Variants in PAX3 observed in about 807,000 individuals in gnomAD.
PAX3 encodes the protein paired box protein Pax-3.
A neutral mutation model predicts 51.6 loss-of-function variants in PAX3; 14 were observed. The ratio of observed to expected loss-of-function variants is 0.27; its 90% CI spans 0.18 to 0.42. The LOEUF (loss-of-function observed/expected upper bound fraction) is 0.42, where lower values mean the gene tolerates loss of function less well. Ranked by LOEUF, PAX3 falls within the 10% of genes least tolerant of loss-of-function variation. PAX3 has a pLI of 1.00. For missense variants in PAX3, 540 were observed against 642.8 expected, an observed-to-expected ratio of 0.84 and a Z score of 1.73; for synonymous variants, 280 against 253.4, an observed-to-expected ratio of 1.11 and a Z score of -1.00.
At chr2:222,216,251 T>C (rs1691954058) in intron 7 of PAX3, among the ~76,000 whole-genome samples, 1 of 152,206 alleles carries the variant, frequency 6.6e-6, no homozygotes, top group South Asian at 2.1e-4. Flanking sequence ...GAGTTGGCTC[T>C]TAACCCTGCC....
intron 4 of PAX3, among the ~76,000 whole-genome samples, chr2:222,278,335 GC>G: frequency 6.6e-6 from 1 of 152,124 alleles, no homozygotes; most frequent in Admixed American, 6.5e-5. Context: ...CATCCTTTGT[GC>G]CCCAGTCCTC....
At position 222,295,772 on chromosome 2, in the gene PAX3, C is replaced by A. The variant is rs547260187; in HGVS notation, c.322-115G>T. 24 of 1,247,778 alleles carry A rather than the reference C, an allele frequency of 1.9e-5. No homozygotes were observed. The East Asian group carries it at 3.9e-4, about 21-fold the overall frequency. 77.3% of individuals were successfully genotyped at this position (1,247,778 alleles called of 1,614,324 possible). A position where few individuals can be genotyped will look rare whatever the true frequency, so the allele number is the denominator to read the frequency against. On this transcript the variant is annotated intron_variant, in intron 2 of 8. Coordinates refer to ENST00000392070, the MANE Select transcript of PAX3 (RefSeq NM_181458.4). ...CCTCGCTGAATCCTCTGGGACGGTC[C>A]CCCTTTGTGAGCAAAAAGACCTGAA...
At position 222,273,533 on chromosome 2, in the gene PAX3, G is replaced by A. The variant is rs777494012; in HGVS notation, c.586+20634C>T. ...CCTTTCCTCCTCAAACAGATTGTTC[G>A]GAGATCATGCCAGTGGTTCCTGCAA... is the stretch of plus-strand genomic sequence containing the variant. On this transcript the variant is annotated intron_variant, in intron 4 of 8. Coordinates refer to ENST00000392070, the MANE Select transcript of PAX3 (RefSeq NM_181458.4). Among the ~76,000 whole-genome samples the A allele has an allele frequency of 5.3e-4, 80 of 152,138 alleles. 2 individuals carry two copies. Among genetic ancestry groups the A allele is most frequent in the Non-Finnish European group, 1.6e-4 (11 of 68,028 alleles).
intron 4 of PAX3, among the ~76,000 whole-genome samples, chr2:222,238,204 G>T (rs973459218): frequency 6.6e-6 from 1 of 152,292 alleles, no homozygotes; most frequent in Non-Finnish European, 1.5e-5. Context: ...GAAGGCAAAA[G>T]TATTACCACC....
chr2:222,291,383 T>G (rs1695032117), intron 4 of PAX3, among the ~76,000 whole-genome samples: 1 of 152,156 alleles, frequency 6.6e-6, no homozygotes, highest in Non-Finnish European at 1.5e-5. Context: ...TGCATCATGC[T>G]TAGCGCGCGC....
chr2:222,269,922 C>A (rs1694190515), intron 4 of PAX3, among the ~76,000 whole-genome samples: 1 of 152,176 alleles, frequency 6.6e-6, no homozygotes, highest in African/African-American at 2.4e-5. Flanking sequence ...ACACTTAATT[C>A]TTTTAGTAGA....
intron 4 of PAX3, chr2:222,263,544 T>A (rs1280052741): frequency 6.6e-6 from 1 of 152,068 alleles, no homozygotes; most frequent in Non-Finnish European, 1.5e-5. Flanking sequence ...AAGGATAGAG[T>A]CACTCTGTAA....
intron 4 of PAX3, 116 bp from the exon 5 acceptor site, chr2:222,232,399 A>G: frequency 2.4e-6 from 2 of 828,996 alleles, no homozygotes; most frequent in Non-Finnish European, 3.9e-6. Flanking sequence ...CCTATACCTA[A>G]AGTAAAATAA....
intron 4 of PAX3, among the ~76,000 whole-genome samples, chr2:222,256,038 G>A (rs1390930628): frequency 6.6e-6 from 1 of 150,490 alleles, no homozygotes; most frequent in East Asian, 2.0e-4. Flanking sequence ...CATGGTGCTG[G>A]GATTATAGGC....
chr2:222,226,361 T>G (rs1692385210), intron 5 of PAX3, among the ~76,000 whole-genome samples: 2 of 152,094 alleles, frequency 1.3e-5, no homozygotes, highest in African/African-American at 4.8e-5. Context: ...TCACTGCTGC[T>G]ATCCAACTTT....
intron 4 of PAX3, among the ~76,000 whole-genome samples, chr2:222,292,786 T>C (rs1244470248): frequency 1.3e-5 from 2 of 152,186 alleles, no homozygotes; most frequent in Non-Finnish European, 2.9e-5. Context: ...GCTGAGTCCA[T>C]AGGAGGCCTC....
intron 4 of PAX3, among the ~76,000 whole-genome samples, chr2:222,233,685 A>G (rs893363145): frequency 6.6e-6 from 1 of 152,104 alleles, no homozygotes; most frequent in African/African-American, 2.4e-5. Flanking sequence ...GCAAAGATCT[A>G]TCAAAGGGTT....
chr2:222,201,981 G>T lies in PAX3; in HGVS notation c.1383C>A (p.Asp461Glu), dbSNP rs776696114. The T allele has an allele frequency of 1.9e-6, 3 of 1,614,006 alleles. No individual in the cohort carries two copies. Among genetic ancestry groups the T allele is most frequent in the Non-Finnish European group, 1.7e-6 (2 of 1,179,962 alleles). Reference protein sequence around the residue: ...PTYSTTGYSMDPVTGYQYGQY... With the variant: ...PTYSTTGYSMEPVTGYQYGQY... ...GCCCATATTGGTAGCCTGTGACAGGGTCCATACTGTAGCCTGTGGTGCTAT... is the reference window on the plus strand; with the variant it reads ...GCCCATATTGGTAGCCTGTGACAGGTTCCATACTGTAGCCTGTGGTGCTAT... Residue 461 changes from aspartate (D) to glutamate (E), a missense_variant, in exon 8 of 9, where the codon GAC becomes GAA. Asp to Glu is a conservative substitution (Grantham distance 45). Coordinates refer to ENST00000392070, the MANE Select transcript of PAX3 (RefSeq NM_181458.4).
At chr2:222,234,686 A>G (rs76248476) in intron 4 of PAX3, among the ~76,000 whole-genome samples, 1,814 of 152,302 alleles carry the variant, frequency 0.012, 41 homozygotes, top group African/African-American at 0.041. Context: ...TACCGACCCC[A>G]GATAACACTG....
In PAX3 at chr2:222,200,236, C is replaced by T. The variant is rs1459845812; in HGVS notation, c.*1172G>A. Reference sequence around the variant, plus strand: ...ACATTCTAAAATGTCACCACACAAACGTATGTAAACCTCAGTTCCTATAAT... The same window carrying T: ...ACATTCTAAAATGTCACCACACAAATGTATGTAAACCTCAGTTCCTATAAT... On this transcript the variant is annotated 3_prime_UTR_variant, in exon 9 of 9. Coordinates refer to ENST00000392070, the MANE Select transcript of PAX3 (RefSeq NM_181458.4). 1.8e-5 allele frequency: 4 copies of T among 218,692 alleles called. No homozygotes were observed. Among genetic ancestry groups the T allele is most frequent in the African/African-American group, 9.0e-5 (4 of 44,542 alleles). The allele number at this position is 218,692 out of a possible 1,614,324, so 13.5% of individuals were successfully genotyped here.
At chr2:222,288,093 T>G (rs1452791331) in intron 4 of PAX3, among the ~76,000 whole-genome samples, 2 of 152,180 alleles carry the variant, frequency 1.3e-5, no homozygotes, top group Non-Finnish European at 2.9e-5. Context: ...GCTTTCATAA[T>G]AAAAGAAAAA....
rs919337133 is a variant in PAX3 at position 222,244,187 on chromosome 2, G to A, written c.587-11904C>T. Among the ~76,000 whole-genome samples the A allele has an allele frequency of 6.6e-5, 10 of 152,188 alleles. 1 individual carries two copies. The highest frequency in any genetic ancestry group is 6.5e-4 in the Admixed American group (10 of 15,288). On this transcript the variant is annotated intron_variant, in intron 4 of 8. Transcript: ENST00000392070. ...TCACCAGCCTTAGGTAGGGACAGCTGCTTTTTGAAATTTTGTCTTTTTGTG... is the reference window on the plus strand; with the variant it reads ...TCACCAGCCTTAGGTAGGGACAGCTACTTTTTGAAATTTTGTCTTTTTGTG...
chr2:222,275,501 T>C (rs930357684), intron 4 of PAX3, among the ~76,000 whole-genome samples: 6 of 152,164 alleles, frequency 3.9e-5, no homozygotes, highest in Non-Finnish European at 8.8e-5. Context: ...CCATTCAGTC[T>C]TTGCAATTAA....
chr2:222,250,914 T>C (rs1280357814), intron 4 of PAX3, among the ~76,000 whole-genome samples: 1 of 152,146 alleles, frequency 6.6e-6, no homozygotes, highest in Non-Finnish European at 1.5e-5. Flanking sequence ...TTATTTAACA[T>C]AGAAGTTTTG....
Sources: allele counts gnomAD v4.1 joint callset (sites outside exome capture counted in the v4.1 genomes callset), GRCh38; gene constraint gnomAD v4.1.1; transcripts MANE v1.5; gene names NCBI Gene and HGNC (gene_info 2026-07-23, HGNC 2026-07-21).